ATP8A2: variants seen among roughly 807,000 people sequenced by gnomAD.
ATP8A2 encodes ATPase phospholipid transporting 8A2, also known as phospholipid-transporting ATPase IB.
In ATP8A2, 100 loss-of-function variants were observed where a neutral mutation model predicts 165.6. That is an observed-to-expected ratio of 0.60 (90% CI 0.51 to 0.71). The LOEUF (loss-of-function observed/expected upper bound fraction) is 0.71, where lower values mean the gene tolerates loss of function less well. Among genes scored for constraint, ATP8A2 ranks in the 30% least tolerant of loss-of-function variants. The probability of loss-of-function intolerance (pLI) is 0.00; values close to 1 mark genes in which losing one functional copy is unlikely to be tolerated. For missense variants in ATP8A2, 1,227 were observed against 1,479.5 expected (o/e 0.83, Z 2.80); for synonymous variants, 543 against 548.8 (o/e 0.99, Z 0.15).
intron 33 of ATP8A2, among the ~76,000 whole-genome samples, chr13:25,864,566 T>C (rs1952451201): frequency 6.6e-6 from 1 of 152,222 alleles, no homozygotes; most frequent in Non-Finnish European, 1.5e-5. Flanking sequence ...AGCAGAACTT[T>C]AGTGAGTTGT....
chr13:25,581,683 C>T (rs2039781179), intron 22 of ATP8A2, 136 bp from the exon 23 acceptor site: 1 of 857,632 alleles, frequency 1.2e-6, no homozygotes, highest in African/African-American at 1.7e-5. Context: ...CAGATGCCAT[C>T]TGTAGACACA....
intron 28 of ATP8A2, among the ~76,000 whole-genome samples, chr13:25,832,029 T>C (rs1158479177): frequency 2.6e-5 from 4 of 151,412 alleles, no homozygotes; most frequent in Non-Finnish European, 5.9e-5. Flanking sequence ...AACCTCTGCC[T>C]CCCGGGTTCA....
At chr13:25,935,870 A>G (rs170060) in intron 33 of ATP8A2, among the ~76,000 whole-genome samples, 3,706 of 152,228 alleles carry the variant, frequency 0.024, 155 homozygotes, top group African/African-American at 0.085. Context: ...AAAACTGCAC[A>G]CTATATTTTA....
At chr13:25,688,278 C>T (rs1005066594) in intron 24 of ATP8A2, among the ~76,000 whole-genome samples, 5 of 152,078 alleles carry the variant, frequency 3.3e-5, no homozygotes, top group Non-Finnish European at 5.9e-5. Flanking sequence ...GACCTTCCCT[C>T]CTTGCCAGTC....
chr13:25,933,492 A>G (rs1023323849), intron 33 of ATP8A2, among the ~76,000 whole-genome samples: 1 of 152,130 alleles, frequency 6.6e-6, no homozygotes, highest in African/African-American at 2.4e-5. Flanking sequence ...TTTTAAATTC[A>G]TGTTAAAGTG....
In ATP8A2 at chr13:25,860,245, A is replaced by T; in HGVS notation, c.3007A>T (p.Ile1003Phe). 6.2e-7 allele frequency: 1 copy of T among 1,609,532 alleles called. No individual in the cohort carries two copies. Among genetic ancestry groups the T allele is most frequent in the Non-Finnish European group, 8.5e-7 (1 of 1,176,204 alleles). Residue 1003 changes from isoleucine to phenylalanine, a missense_variant, in exon 31 of 37, where the codon ATT (isoleucine) becomes TTT (phenylalanine). Coordinates refer to ENST00000381655, the MANE Select transcript of ATP8A2 (RefSeq NM_016529.6). ...HATDYLFVGN[I>F]VYTYVVVTVC... Reference sequence around the variant, plus strand: ...TACCGACTATTTATTTGTTGGAAATATTGTTTACACAGTAAGTTTATCTCT... The same window carrying T: ...TACCGACTATTTATTTGTTGGAAATTTTGTTTACACAGTAAGTTTATCTCT...
chr13:25,612,916 T>C (rs2040725588), intron 24 of ATP8A2, among the ~76,000 whole-genome samples: 1 of 152,220 alleles, frequency 6.6e-6, no homozygotes, highest in Admixed American at 6.5e-5. Flanking sequence ...ACACTGCGAT[T>C]GCTTTAAAGT....
At chr13:25,836,166 TTTTGTTTGTTTGTTTG>T (rs149756647) in intron 28 of ATP8A2, among the ~76,000 whole-genome samples, 3,752 of 150,620 alleles carry the variant, frequency 0.025, 157 homozygotes, top group African/African-American at 0.084. Flanking sequence ...ATCTCCTGTT[TTTTGTTTGTTTGTTTG>T]TTTGTTTGTT....
rs111891073 is a variant in ATP8A2 at position 25,742,679 on chromosome 13, G to T, written c.2385-26367G>T. Among the ~76,000 whole-genome samples, 41 of 69,434 alleles carry T rather than the reference G, an allele frequency of 5.9e-4. 1 individual carries two copies. The highest frequency in any genetic ancestry group is 1.1e-3 in the South Asian group (2 of 1,904). The allele number at this position is 69,434 out of a possible 152,430, so 45.6% of individuals were successfully genotyped here. On this transcript the variant is annotated intron_variant, in intron 25 of 36. Transcript: ENST00000381655. ...TTTCTCTCTCTCTCTCTCTCTCTCT[G>T]TCTTTTTTTTTTTTTTTTATGGTAA...
rs2038429900 is a variant in ATP8A2, at chr13:25,540,306, T to A, written c.582-13T>A. ...ACCTTATGAAACTTGGCTCTTTTTT[T>A]CTCTCTCCTTAGTGAACCTCAGGCA... is the stretch of plus-strand genomic sequence containing the variant. On this transcript the variant is annotated splice_polypyrimidine_tract_variant and intron_variant, in intron 7 of 36. Coordinates refer to ENST00000381655, the MANE Select transcript of ATP8A2 (RefSeq NM_016529.6). 6.2e-7 allele frequency: 1 copy of A among 1,609,666 alleles called. No individual in the cohort carries two copies. The highest frequency in any genetic ancestry group is 1.7e-5 in the Admixed American group (1 of 59,954).
intron 33 of ATP8A2, 57 bp from the exon 34 acceptor site, chr13:25,961,518 T>G: frequency 7.6e-7 from 1 of 1,316,914 alleles, no homozygotes; most frequent in Non-Finnish European, 1.1e-6. Flanking sequence ...TTACATTATG[T>G]TGCTCTGTTT....
At chr13:25,687,484 G>A (rs560447153) in intron 24 of ATP8A2, among the ~76,000 whole-genome samples, 2 of 34,156 alleles carry the variant, frequency 5.9e-5, no homozygotes, top group South Asian at 3.2e-3. Context: ...GCCTAGAGAA[G>A]CTTCCTGATC....
At chr13:25,852,871 T>C (rs1952044291) in intron 30 of ATP8A2, among the ~76,000 whole-genome samples, 1 of 151,342 alleles carries the variant, frequency 6.6e-6, no homozygotes, top group African/African-American at 2.4e-5. Flanking sequence ...GCTATTGCAC[T>C]ACAGCCTGGG....
chr13:25,531,245 TTATATATGA>T (rs201407069), intron 4 of ATP8A2, among the ~76,000 whole-genome samples: 40,183 of 90,330 alleles, frequency 0.44, 9,781 homozygotes, highest in East Asian at 0.9. Flanking sequence ...GATATATATG[TTATATATGA>T]TATATATGAT....
intron 2 of ATP8A2, among the ~76,000 whole-genome samples, chr13:25,528,931 C>G (rs937961308): frequency 6.6e-6 from 1 of 151,904 alleles, no homozygotes; most frequent in Non-Finnish European, 1.5e-5. Context: ...CACCCATTAA[C>G]TCATCATTTA....
chr13:25,794,820 TACACACACACACAC>T lies in ATP8A2; in HGVS notation c.2679+19888_2679+19901del, dbSNP rs3053488. Among the ~76,000 whole-genome samples, 13 of 139,612 alleles carry T rather than the reference TACACACACACACAC, an allele frequency of 9.3e-5. No homozygotes were observed. In the South Asian group the frequency reaches 1.3e-3, roughly 14 times the overall value. 91.6% of individuals were successfully genotyped at this position (139,612 alleles called of 152,430 possible). Reference sequence around the variant, plus strand: ...TTCTGCCCCAACGCATTCCCTCTCCTACACACACACACACACACACACACACACACACACACACA... The same window carrying T: ...TTCTGCCCCAACGCATTCCCTCTCCTACACACACACACACACACACACACA... On this transcript the variant is annotated intron_variant, in intron 27 of 36. Coordinates refer to ENST00000381655, the MANE Select transcript of ATP8A2 (RefSeq NM_016529.6).
At chr13:25,721,547 T>C (rs2043381820) in intron 25 of ATP8A2, among the ~76,000 whole-genome samples, 1 of 152,232 alleles carries the variant, frequency 6.6e-6, no homozygotes, top group African/African-American at 2.4e-5. Context: ...GGCCCGAGTA[T>C]GTACAGCTGT....
At chr13:25,599,179 C>G (rs1387746121) in intron 24 of ATP8A2, among the ~76,000 whole-genome samples, 1 of 152,166 alleles carries the variant, frequency 6.6e-6, no homozygotes, top group African/African-American at 2.4e-5. Context: ...GCTTAAAGAG[C>G]CAAGGGGACC....
At chr13:25,474,248 G>C (rs111855244) in intron 2 of ATP8A2, among the ~76,000 whole-genome samples, 3 of 152,192 alleles carry the variant, frequency 2.0e-5, no homozygotes, top group Non-Finnish European at 2.9e-5. Context: ...GCTTTGCCAA[G>C]GTTAATTTTA....
Sources: allele counts gnomAD v4.1 joint callset (sites outside exome capture counted in the v4.1 genomes callset), GRCh38; gene constraint gnomAD v4.1.1; transcripts MANE v1.5; gene names NCBI Gene and HGNC (gene_info 2026-07-23, HGNC 2026-07-21).